The following PRELID2 variants were observed in gnomAD, a reference collection of about 807,000 sequenced individuals.
PRELID2 encodes the protein PRELI domain containing 2, also known as PRELI domain-containing protein 2.
A neutral mutation model predicts 28.4 loss-of-function variants in PRELID2; 25 were observed. The observed-to-expected ratio is 0.88, with a 90% CI of 0.64 to 1.23. The LOEUF (loss-of-function observed/expected upper bound fraction) is 1.23. Ranked by LOEUF, PRELID2 falls within the 50% of genes most tolerant of loss-of-function variation. PRELID2 has a pLI of 0.00. For synonymous variants in PRELID2, 76 were observed against 71.6 expected (o/e 1.06, Z -0.31); for missense variants, 201 against 214.4 (o/e 0.94, Z 0.39).
chr5:145,824,294 G>A (rs1466309438), intron 1 of PRELID2, among the ~76,000 whole-genome samples: 2 of 152,116 alleles, frequency 1.3e-5, no homozygotes, highest in Non-Finnish European at 2.9e-5. Context: ...CTGAGCAGAA[G>A]GCAAAAGCAG....
chr5:145,813,244 T>C (rs1754072033), intron 4 of PRELID2, among the ~76,000 whole-genome samples: 1 of 152,182 alleles, frequency 6.6e-6, no homozygotes, highest in Non-Finnish European at 1.5e-5. Flanking sequence ...TAGCCATTAC[T>C]CTCAGATTTC....
intron 1 of PRELID2, among the ~76,000 whole-genome samples, chr5:145,675,040 C>T (rs886886040): frequency 4.0e-5 from 6 of 151,780 alleles, no homozygotes; most frequent in African/African-American, 7.3e-5. Context: ...TCAAAATCTA[C>T]ATGCAATAAG....
At chr5:145,815,482 A>G (rs1754236485) in intron 4 of PRELID2, among the ~76,000 whole-genome samples, 1 of 152,224 alleles carries the variant, frequency 6.6e-6, no homozygotes, top group African/African-American at 2.4e-5. Context: ...ATATTCGCAG[A>G]GTTCTGCAAC....
the PRELID2 span, among the ~76,000 whole-genome samples, chr5:145,393,411 A>G: frequency 6.6e-6 from 1 of 152,212 alleles, no homozygotes; most frequent in Non-Finnish European, 1.5e-5. Context: ...AACTCTAGGC[A>G]AATTAAATTT....
At chr5:145,442,549 G>C in the PRELID2 span, among the ~76,000 whole-genome samples, 2 of 152,106 alleles carry the variant, frequency 1.3e-5, no homozygotes, top group African/African-American at 4.8e-5. Context: ...TTTTGGTCTC[G>C]CAGTGCCAAC....
At chr5:145,311,709 G>T in the PRELID2 span, among the ~76,000 whole-genome samples, 1 of 152,086 alleles carries the variant, frequency 6.6e-6, no homozygotes, top group African/African-American at 2.4e-5. Context: ...TTCTTCATGT[G>T]CCCAGCATGT....
chr5:145,388,457 C>T, the PRELID2 span, among the ~76,000 whole-genome samples: 1 of 152,106 alleles, frequency 6.6e-6, no homozygotes, highest in Non-Finnish European at 1.5e-5. Flanking sequence ...CCACTCCCAT[C>T]AATTGGGCCC....
chr5:145,436,295 A>G, the PRELID2 span, among the ~76,000 whole-genome samples: 3 of 152,164 alleles, frequency 2.0e-5, no homozygotes, highest in Non-Finnish European at 4.4e-5. Context: ...GTAATATTCA[A>G]TGTATACAGG....
Position 145,819,960 on chromosome 5 carries a change from T to G in PRELID2, c.192A>C (p.Pro64=). The G allele has an allele frequency of 6.2e-7, 1 of 1,603,786 alleles. No individual in the cohort carries two copies. Among genetic ancestry groups the G allele is most frequent in the Non-Finnish European group, 8.5e-7 (1 of 1,172,638 alleles). Residue 64 remains proline, a synonymous_variant, in exon 3 of 7, where the codon CCA becomes CCC. Transcript: ENST00000683046. The part of the protein sequence containing the change: ...KRIAICQNVV[P]EILRKVSILK... ...ATGAACTTACCTTCCTTAAAATTTC[T>G]GGAACCACGTTCTGACAGATTGCAA...
chr5:145,566,354 C>T (rs1324671319), intron 1 of PRELID2, among the ~76,000 whole-genome samples: 3 of 152,154 alleles, frequency 2.0e-5, no homozygotes, highest in Non-Finnish European at 2.9e-5. Context: ...AGAGTAACAA[C>T]CAACCCAGGG....
chr5:145,229,572 T>G, the PRELID2 span: 2 of 1,477,028 alleles, frequency 1.4e-6, no homozygotes, highest in East Asian at 2.3e-5. Flanking sequence ...GAGCTCTTCA[T>G]GTACCTGAAC....
intron 1 of PRELID2, among the ~76,000 whole-genome samples, chr5:145,825,225 CAAAAAAAAAAAAAA>C (rs56818178): frequency 0.017 from 1,043 of 60,406 alleles, 6 homozygotes; most frequent in Middle Eastern, 0.091. Flanking sequence ...GACTCTGTCT[CAAAAAAAAAAAAAA>C]AAAAAAAAAA....
the PRELID2 span, among the ~76,000 whole-genome samples, chr5:145,435,925 A>C: frequency 6.6e-6 from 1 of 152,176 alleles, no homozygotes; most frequent in South Asian, 2.1e-4. Context: ...TACCTAACTT[A>C]CAAGATTTTT....
intron 1 of PRELID2, among the ~76,000 whole-genome samples, chr5:145,722,982 G>A (rs756694984): frequency 1.3e-4 from 20 of 152,072 alleles, no homozygotes; most frequent in South Asian, 2.1e-4. Context: ...AGAGAGACCC[G>A]ATGTTACAAA....
chr5:145,762,124 A>T (rs1757503970), intron 6 of PRELID2, among the ~76,000 whole-genome samples: 1 of 152,172 alleles, frequency 6.6e-6, no homozygotes, highest in South Asian at 2.1e-4. Flanking sequence ...GAATTTTGAG[A>T]GTTGGAATTA....
the PRELID2 span, among the ~76,000 whole-genome samples, chr5:145,313,659 T>C: frequency 6.6e-6 from 1 of 152,116 alleles, no homozygotes; most frequent in Non-Finnish European, 1.5e-5. Context: ...AGATATCACA[T>C]TCGTAGGAGG....
intron 5 of PRELID2, among the ~76,000 whole-genome samples, chr5:145,772,619 C>A (rs1758179739): frequency 6.6e-6 from 1 of 152,118 alleles, no homozygotes; most frequent in African/African-American, 2.4e-5. Context: ...TTATAATTGG[C>A]ATGAATCCAT....
At chr5:145,346,997 C>A in the PRELID2 span, among the ~76,000 whole-genome samples, 7 of 152,116 alleles carry the variant, frequency 4.6e-5, no homozygotes, top group Non-Finnish European at 1.0e-4. Context: ...AGTGTTCCCC[C>A]TTCATCTGAT....
intron 1 of PRELID2, among the ~76,000 whole-genome samples, chr5:145,499,119 T>C (rs539161649): frequency 6.6e-6 from 1 of 152,160 alleles, no homozygotes; most frequent in Non-Finnish European, 1.5e-5. Flanking sequence ...GTGGTGGTGT[T>C]ACCTTGTAGT....
Sources: allele counts gnomAD v4.1 joint callset (sites outside exome capture counted in the v4.1 genomes callset), GRCh38; gene constraint gnomAD v4.1.1; transcripts MANE v1.5; gene names NCBI Gene and HGNC (gene_info 2026-07-23, HGNC 2026-07-21).